Variants in HYDIN observed in about 807,000 individuals in gnomAD.
HYDIN encodes HYDIN axonemal central pair apparatus protein, also known as axonemal central pair apparatus protein HYDIN.
A neutral mutation model predicts 403.9 loss-of-function variants in HYDIN; 132 were observed. That is an observed-to-expected ratio of 0.33 (90% confidence interval 0.28 to 0.38). The LOEUF is 0.38. HYDIN is among the 10% of genes least tolerant of loss of function. The probability of loss-of-function intolerance (pLI) is 1.00; values close to 1 mark genes in which losing one functional copy is unlikely to be tolerated. For synonymous variants in HYDIN, 1,202 were observed against 1,891.7 expected (o/e 0.64, Z 9.46); for missense variants, 2,827 against 5,009.5 (o/e 0.56, Z 13.15).
At chr16:70,828,220 T>C (rs2036717619) in intron 82 of HYDIN, 46 bp downstream of exon 82, 1 of 567,258 alleles carries the variant, frequency 1.8e-6, no homozygotes, top group Non-Finnish European at 3.1e-6. Context: ...ATGGTGAAAG[T>C]CCTCCTTTCA....
At chr16:70,854,316 C>G (rs1367506981) in intron 73 of HYDIN, among the ~76,000 whole-genome samples, 1 of 149,996 alleles carries the variant, frequency 6.7e-6, no homozygotes, top group Non-Finnish European at 1.5e-5. Context: ...CTCACTGCAA[C>G]CTCTGCCTCC....
intron 71 of HYDIN, 81 bp from the exon 72 acceptor site, chr16:70,857,951 G>T: frequency 8.2e-7 from 1 of 1,219,690 alleles, no homozygotes; most frequent in Admixed American, 2.9e-5. Context: ...TTGTCAGCAC[G>T]AGGGTCATGA....
chr16:71,119,378 AG>A (rs1432012212), intron 9 of HYDIN, among the ~76,000 whole-genome samples: 1 of 107,738 alleles, frequency 9.3e-6, no homozygotes, highest in Non-Finnish European at 1.9e-5. Context: ...TGGGAGATGG[AG>A]AAGCCTTTCT....
chr16:71,042,655 A>C (rs567916359), intron 18 of HYDIN, among the ~76,000 whole-genome samples: 1 of 152,202 alleles, frequency 6.6e-6, no homozygotes, highest in African/African-American at 2.4e-5. Flanking sequence ...AATTGTTTTC[A>C]TGTGGTTTTC....
chr16:70,967,192 G>C (rs192430177), intron 36 of HYDIN, among the ~76,000 whole-genome samples: 29 of 152,312 alleles, frequency 1.9e-4, no homozygotes, highest in Non-Finnish European at 3.1e-4. Flanking sequence ...TGTGGATTTG[G>C]GGGGAGCTGC....
intron 10 of HYDIN, among the ~76,000 whole-genome samples, chr16:71,107,905 A>G (rs1429044846): frequency 1.3e-5 from 2 of 152,180 alleles, no homozygotes; most frequent in East Asian, 1.9e-4. Context: ...AATAGCAAAG[A>G]CGGAATCAAC....
At chr16:70,929,598 C>A (rs1208398988) in intron 45 of HYDIN, among the ~76,000 whole-genome samples, 3 of 141,836 alleles carry the variant, frequency 2.1e-5, no homozygotes, top group African/African-American at 7.7e-5. Flanking sequence ...TTTTCTTTTC[C>A]AACATCCCTT....
chr16:71,106,212 T>G (rs1260647156), intron 10 of HYDIN, among the ~76,000 whole-genome samples: 1 of 149,974 alleles, frequency 6.7e-6, no homozygotes, highest in Non-Finnish European at 1.5e-5. Flanking sequence ...AGTCACACAC[T>G]AAGAACTTGC....
At chr16:71,171,761 A>G (rs569510201) in intron 5 of HYDIN, among the ~76,000 whole-genome samples, 2 of 152,256 alleles carry the variant, frequency 1.3e-5, no homozygotes, top group Non-Finnish European at 2.9e-5. Flanking sequence ...TAATATATTC[A>G]TGACACAAAA....
At chr16:70,991,546 AG>A (rs1191932218) in intron 24 of HYDIN, 150 bp from the exon 25 acceptor site, 1 of 1,223,706 alleles carries the variant, frequency 8.2e-7, no homozygotes, top group Non-Finnish European at 1.1e-6. Flanking sequence ...CTTTCTCAAG[AG>A]GTCAGCTGGT....
At chr16:70,895,386 G>C (rs2076172340) in intron 54 of HYDIN, among the ~76,000 whole-genome samples, 1 of 146,378 alleles carries the variant, frequency 6.8e-6, no homozygotes, top group Non-Finnish European at 1.5e-5. Context: ...TAATCACAAG[G>C]GGGCTTAAGA....
At chr16:71,066,708 G>A (rs141082411) in intron 15 of HYDIN, 729 of 365,150 alleles carry the variant, frequency 2.0e-3, no homozygotes, top group Non-Finnish European at 2.7e-3. Context: ...GTCAACAAAT[G>A]GCTGAGCCAG....
Position 70,806,881 on chromosome 16 carries a change from G to A in HYDIN, c.*699C>T, listed in dbSNP as rs1431441627. Among the ~76,000 whole-genome samples the A allele has an allele frequency of 6.6e-6, 1 of 152,190 alleles. No individual in the cohort carries two copies. The highest frequency in any genetic ancestry group is 1.5e-5 in the Non-Finnish European group (1 of 68,036). ...GTTAGGTGGTCCTGATGTGCAGATG[G>A]GTTGAGAATCCCTGCTCTCCTGCTG... On this transcript the variant is annotated 3_prime_UTR_variant, in exon 86 of 86. Coordinates refer to ENST00000393567, the MANE Select transcript of HYDIN (RefSeq NM_001270974.2).
Position 71,175,674 on chromosome 16 carries a change from A to G in HYDIN, c.449T>C (p.Ile150Thr), listed in dbSNP as rs761374855. Residue 150 changes from isoleucine (I) to threonine (T), a missense_variant, in exon 5 of 86, where the codon ATT (isoleucine) becomes ACT (threonine). By Grantham distance (89) the Ile-to-Thr change is moderately conservative. Transcript: ENST00000393567. ...CACTCCAGGAGCCACTTTGTGGCCA[A>G]TATCTTTGGGGCTGATTACTTTAAA... The part of the protein sequence containing the change: ...PYFKVISPKD[I>T]GHKVAPGVPS... 3.1e-6 allele frequency: 5 copies of G among 1,614,164 alleles called. No homozygotes were observed. The highest frequency in any genetic ancestry group is 2.2e-5 in the East Asian group (1 of 44,878).
Position 70,992,317 on chromosome 16 carries a change from C to T in HYDIN, c.3645-107G>A, listed in dbSNP as rs534779697. On this transcript the variant is annotated intron_variant, in intron 23 of 85. Coordinates refer to ENST00000393567, the MANE Select transcript of HYDIN (RefSeq NM_001270974.2). ...CTAAGGCCAAACTCCAAATCCTAGA[C>T]CAGGCAGATCTAGTAGGGACCACCC... The T allele has an allele frequency of 7.5e-5, 109 of 1,446,494 alleles. No homozygotes were observed. The African/African-American group carries it at 1.4e-3, about 19-fold the overall frequency. 89.6% of individuals were successfully genotyped at this position (1,446,494 alleles called of 1,614,324 possible). A position where few individuals can be genotyped will look rare whatever the true frequency, so the allele number is the denominator to read the frequency against.
At chr16:71,218,897 T>G (rs1336875275) in intron 1 of HYDIN, among the ~76,000 whole-genome samples, 2 of 152,214 alleles carry the variant, frequency 1.3e-5, no homozygotes, top group Admixed American at 1.3e-4. Flanking sequence ...TATAATTAAT[T>G]ACCAGGCATA....
At chr16:71,172,469 G>C (rs899893736) in intron 5 of HYDIN, among the ~76,000 whole-genome samples, 3 of 152,066 alleles carry the variant, frequency 2.0e-5, no homozygotes, top group Admixed American at 2.0e-4. Context: ...CATTTCTACA[G>C]TATATGATAG....
intron 23 of HYDIN, among the ~76,000 whole-genome samples, chr16:71,003,958 C>G (rs1223355723): frequency 6.6e-6 from 1 of 151,474 alleles, no homozygotes; most frequent in Non-Finnish European, 1.5e-5. Context: ...CAAATCTAGT[C>G]TCTTTTATTT....
Position 70,883,932 on chromosome 16 carries a change from C to T in HYDIN, c.9967G>A (p.Ala3323Thr). The T allele has an allele frequency of 6.2e-7, 1 of 1,613,698 alleles. No homozygotes were observed. Among genetic ancestry groups the T allele is most frequent in the Non-Finnish European group, 8.5e-7 (1 of 1,180,020 alleles). ...AGILYTLLAE[A>T]CLPAFVTENN... is the part of the protein sequence containing the mutation. ...GAGTGGTCAGTACCTGGTAGACAGGCTTCAGCTAGCAAAGTGTAAAGAATG... is the reference window on the plus strand; with the variant it reads ...GAGTGGTCAGTACCTGGTAGACAGGTTTCAGCTAGCAAAGTGTAAAGAATG... The change falls in exon 59 of 86, where the codon GCC becomes ACC. Residue 3323 changes from alanine to threonine, a missense_variant. Coordinates refer to ENST00000393567, the MANE Select transcript of HYDIN (RefSeq NM_001270974.2).
Sources: gnomAD v4.1 joint callset for allele counts (sites outside exome capture counted in the v4.1 genomes callset) on GRCh38, gnomAD v4.1.1 for gene constraint, MANE v1.5 for transcripts, NCBI Gene and HGNC (gene_info 2026-07-23, HGNC 2026-07-21) for gene names.